ADCY8: variants seen among roughly 807,000 people sequenced by gnomAD.
The protein encoded by ADCY8 is adenylate cyclase type 8.
In ADCY8, 51 loss-of-function variants were observed where a neutral mutation model predicts 119.7. That is an observed-to-expected ratio of 0.43 (90% CI 0.34 to 0.54). The LOEUF (loss-of-function observed/expected upper bound fraction) is 0.54. Among genes scored for constraint, ADCY8 ranks in the 20% least tolerant of loss-of-function variants. The pLI, the probability that ADCY8 is intolerant of heterozygous loss-of-function variation, is 0.03. For synonymous variants in ADCY8, 665 were observed against 651.0 expected, an observed-to-expected ratio of 1.02 and a Z score of -0.33; for missense variants, 1,383 against 1,598.8, an observed-to-expected ratio of 0.87 and a Z score of 2.30.
chr8:130,793,526 T>A (rs1815488001), intron 15 of ADCY8, among the ~76,000 whole-genome samples: 1 of 152,208 alleles, frequency 6.6e-6, no homozygotes, highest in African/African-American at 2.4e-5. Flanking sequence ...GAGTATAAGC[T>A]TCATGAGAAC....
intron 2 of ADCY8, among the ~76,000 whole-genome samples, chr8:130,988,184 C>T (rs570085449): frequency 4.6e-5 from 7 of 152,240 alleles, no homozygotes; most frequent in Admixed American, 1.3e-4. Context: ...CTACACTGTC[C>T]GTCTATTACT....
intron 3 of ADCY8, among the ~76,000 whole-genome samples, chr8:130,948,831 G>C (rs923968399): frequency 6.6e-6 from 1 of 151,998 alleles, no homozygotes; most frequent in African/African-American, 2.4e-5. Context: ...GCTAGGGACC[G>C]TCCTCCTCTG....
At chr8:130,846,321 C>T (rs976585038) in intron 11 of ADCY8, among the ~76,000 whole-genome samples, 3 of 152,132 alleles carry the variant, frequency 2.0e-5, no homozygotes, top group Admixed American at 6.5e-5. Context: ...ACCCCATAGG[C>T]TGACCCCAAG....
At chr8:130,978,090 C>T (rs544305916) in intron 2 of ADCY8, among the ~76,000 whole-genome samples, 2 of 152,218 alleles carry the variant, frequency 1.3e-5, no homozygotes, top group South Asian at 4.1e-4. Flanking sequence ...GTCTGCTTGG[C>T]TGAGAAACTG....
intron 14 of ADCY8, among the ~76,000 whole-genome samples, chr8:130,808,942 A>G (rs1029181893): frequency 6.8e-6 from 1 of 147,724 alleles, no homozygotes; most frequent in Non-Finnish European, 1.5e-5. Context: ...CGGGACTCAG[A>G]GCTAGCCTGC....
intron 15 of ADCY8, 117 bp downstream of exon 15, chr8:130,800,309 C>T: frequency 4.4e-6 from 5 of 1,148,308 alleles, no homozygotes; most frequent in Non-Finnish European, 6.3e-6. Flanking sequence ...GTTTATAATG[C>T]AGGCTGGAAT....
intron 1 of ADCY8, among the ~76,000 whole-genome samples, chr8:131,018,284 C>T (rs981405059): frequency 1.3e-5 from 2 of 152,146 alleles, no homozygotes; most frequent in Non-Finnish European, 1.5e-5. Context: ...GAATAATGCT[C>T]GTATTCAACT....
intron 3 of ADCY8, among the ~76,000 whole-genome samples, chr8:130,947,554 C>A (rs990105290): frequency 1.3e-5 from 2 of 152,122 alleles, no homozygotes; most frequent in African/African-American, 4.8e-5. Context: ...TTTGCTTGTT[C>A]GTGAAACTCT....
intron 4 of ADCY8, 105 bp from the exon 5 acceptor site, chr8:130,937,305 G>T (rs947977063): frequency 5.8e-6 from 7 of 1,209,144 alleles, no homozygotes; most frequent in Middle Eastern, 3.0e-4. Flanking sequence ...CTGCAACTTG[G>T]GGTAAGGAGA....
At chr8:130,868,360 C>CT (rs11368798) in intron 8 of ADCY8, among the ~76,000 whole-genome samples, 57,771 of 151,790 alleles carry the variant, frequency 0.38, 11,117 homozygotes, top group East Asian at 0.46. Flanking sequence ...TTTCTGCCTC[C>CT]TTTTTTTTAT....
chr8:130,918,153 C>T (rs182891385), intron 5 of ADCY8, among the ~76,000 whole-genome samples: 1 of 152,314 alleles, frequency 6.6e-6, no homozygotes, highest in African/African-American at 2.4e-5. Flanking sequence ...GCTGCCATAA[C>T]AAAATTTATA....
Position 130,849,745 on chromosome 8 carries a change from G to A in ADCY8, c.2269C>T (p.Leu757Phe). The change falls in exon 10 of 18, where the codon CTC (leucine) becomes TTC (phenylalanine). Residue 757 changes from leucine (L) to phenylalanine (F), a missense_variant. By Grantham distance (22) the Leu-to-Phe change is conservative. Around this residue, in one of 2 missense-constraint regions of ADCY8, gnomAD observed 928 missense variants for 1,163.5 expected, o/e 0.80. Transcript: ENST00000286355. ...TTATAATCCTCTGCTGTGGTGATGA[G>A]GACCAGAGCCGAGTGCAGCATAATC... ...ILIMLHSALV[L>F]ITTAEDYKCL... The A allele has an allele frequency of 6.2e-7, 1 of 1,613,854 alleles. No individual in the cohort carries two copies. Among genetic ancestry groups the A allele is most frequent in the Non-Finnish European group, 8.5e-7 (1 of 1,179,884 alleles).
At chr8:130,979,964 A>T (rs1822189447) in intron 2 of ADCY8, among the ~76,000 whole-genome samples, 1 of 152,158 alleles carries the variant, frequency 6.6e-6, no homozygotes, top group African/African-American at 2.4e-5. Flanking sequence ...AACAATAGAA[A>T]TGTATTCTCC....
intron 4 of ADCY8, among the ~76,000 whole-genome samples, chr8:130,939,830 G>A (rs72714479): frequency 0.091 from 13,823 of 151,930 alleles, 676 homozygotes; most frequent in African/African-American, 0.1. Flanking sequence ...ATCTTTTTTC[G>A]TTGAGCTTCA....
At chr8:130,794,436 G>C (rs1353696307) in intron 15 of ADCY8, among the ~76,000 whole-genome samples, 4 of 152,076 alleles carry the variant, frequency 2.6e-5, no homozygotes, top group Non-Finnish European at 5.9e-5. Context: ...ACTAGAGATG[G>C]GGTTTCACTA....
chr8:130,860,878 A>T (rs1817905443), intron 9 of ADCY8, among the ~76,000 whole-genome samples: 1 of 152,132 alleles, frequency 6.6e-6, no homozygotes, highest in Admixed American at 6.6e-5. Context: ...CTTATGAGTG[A>T]CAACATGCGG....
rs183639977 is a variant in ADCY8, at chr8:130,828,127, G to A, written c.2676-6707C>T. ...GACGCCAGCCTCCAACTGCCTGATGGGGTGTTGGCAACAGGATCTCCAACT... is the reference window on the plus strand; with the variant it reads ...GACGCCAGCCTCCAACTGCCTGATGAGGTGTTGGCAACAGGATCTCCAACT... On this transcript the variant is annotated intron_variant, in intron 12 of 17. Coordinates refer to ENST00000286355, the MANE Select transcript of ADCY8 (RefSeq NM_001115.3). Among the ~76,000 whole-genome samples the A allele has an allele frequency of 2.6e-5, 4 of 152,284 alleles. No individual in the cohort carries two copies. The East Asian group carries it at 7.7e-4, about 29-fold the overall frequency.
chr8:130,814,484 T>A (rs534568764), intron 13 of ADCY8, among the ~76,000 whole-genome samples: 18 of 152,346 alleles, frequency 1.2e-4, no homozygotes, highest in African/African-American at 4.1e-4. Flanking sequence ...GATTACCTGA[T>A]AATGTTGGTG....
chr8:130,927,689 A>ATT (rs139791674), intron 5 of ADCY8, among the ~76,000 whole-genome samples: 21 of 148,216 alleles, frequency 1.4e-4, no homozygotes, highest in African/African-American at 4.9e-4. Flanking sequence ...AATTCTAACC[A>ATT]TTTTTTTTTT....
Sources: allele counts gnomAD v4.1 joint callset (sites outside exome capture counted in the v4.1 genomes callset), GRCh38; gene constraint gnomAD v4.1.1; regional missense constraint gnomAD v4.1.1; transcripts MANE v1.5; gene names NCBI Gene and HGNC (gene_info 2026-07-23, HGNC 2026-07-21).